Variants in DPYD observed in about 807,000 individuals in gnomAD.
DPYD encodes dihydropyrimidine dehydrogenase [NADP(+)].
Under a neutral mutation model 116.2 loss-of-function variants are expected in DPYD, and 109 were observed. The ratio of observed to expected loss-of-function variants is 0.94; its 90% CI spans 0.80 to 1.10. DPYD has a LOEUF of 1.10. DPYD is among the 50% of genes least tolerant of loss of function. The pLI is 0.00. For synonymous variants in DPYD, 440 were observed against 432.0 expected, an observed-to-expected ratio of 1.02 and a Z score of -0.23; for missense variants, 1,302 against 1,254.5, an observed-to-expected ratio of 1.04 and a Z score of -0.57.
intron 18 of DPYD, among the ~76,000 whole-genome samples, chr1:97,275,735 A>G (rs1392700224): frequency 1.3e-5 from 2 of 152,188 alleles, no homozygotes; most frequent in Admixed American, 1.3e-4. Flanking sequence ...TAAAACCTTG[A>G]AGATTAATTT....
intron 16 of DPYD, among the ~76,000 whole-genome samples, chr1:97,323,892 C>T (rs955136900): frequency 7.9e-5 from 12 of 151,844 alleles, no homozygotes; most frequent in Non-Finnish European, 1.3e-4. Context: ...ATCCCCATTT[C>T]GCAAGTCTTT....
intron 13 of DPYD, among the ~76,000 whole-genome samples, chr1:97,457,571 C>A (rs1269211547): frequency 6.6e-6 from 1 of 152,072 alleles, no homozygotes; most frequent in Non-Finnish European, 1.5e-5. Flanking sequence ...GTAAATGAAG[C>A]AATACAGCAC....
chr1:97,894,536 C>T (rs1453691615), intron 1 of DPYD, among the ~76,000 whole-genome samples: 1 of 151,456 alleles, frequency 6.6e-6, no homozygotes, highest in Non-Finnish European at 1.5e-5. Flanking sequence ...GAAGAAACTT[C>T]AGAATAACCA....
intron 1 of DPYD, among the ~76,000 whole-genome samples, chr1:97,914,025 A>G (rs1674097338): frequency 6.6e-6 from 1 of 152,116 alleles, no homozygotes; most frequent in Non-Finnish European, 1.5e-5. Flanking sequence ...GGGGACATTC[A>G]TAAGTGCTTA....
intron 14 of DPYD, among the ~76,000 whole-genome samples, chr1:97,425,141 A>G (rs1443986237): frequency 6.6e-6 from 1 of 152,094 alleles, no homozygotes; most frequent in Non-Finnish European, 1.5e-5. Flanking sequence ...GATGATAAAT[A>G]TGTGTGCTTC....
intron 20 of DPYD, among the ~76,000 whole-genome samples, chr1:97,129,085 T>A (rs906122254): frequency 7.7e-4 from 116 of 151,088 alleles, no homozygotes; most frequent in African/African-American, 2.7e-3. Flanking sequence ...TTTTTTTTTT[T>A]ATGGAGTCTT....
chr1:97,759,126 A>C (rs1665431152), intron 3 of DPYD, among the ~76,000 whole-genome samples: 1 of 152,080 alleles, frequency 6.6e-6, no homozygotes, highest in Admixed American at 6.6e-5. Context: ...TGTGGGACTA[A>C]ATTTTTTGGC....
chr1:97,369,992 C>T (rs1176113512), intron 16 of DPYD, among the ~76,000 whole-genome samples: 1 of 152,138 alleles, frequency 6.6e-6, no homozygotes, highest in African/African-American at 2.4e-5. Context: ...TTTTTAAAAA[C>T]AGCAACATAT....
At position 97,149,296 on chromosome 1, in the gene DPYD, C is replaced by T. The variant is rs556209293; in HGVS notation, c.2622+43773G>A. On this transcript the variant is annotated intron_variant, in intron 20 of 22. Coordinates refer to ENST00000370192, the MANE Select transcript of DPYD (RefSeq NM_000110.4). ...TAACAGAGTCTCGCTCTGTCACCCA[C>T]GCTGGAGTGCAGTGGCATGATCTTG... Among the ~76,000 whole-genome samples, 38 of 152,218 alleles carry T rather than the reference C, an allele frequency of 2.5e-4. No homozygotes were observed. The East Asian group carries it at 5.2e-3, about 21-fold the overall frequency.
At chr1:97,528,861 GT>G (rs1649350898) in intron 12 of DPYD, among the ~76,000 whole-genome samples, 1 of 152,044 alleles carries the variant, frequency 6.6e-6, no homozygotes, top group Non-Finnish European at 1.5e-5. Flanking sequence ...CCAGAGTAGG[GT>G]TTTTAAAACA....
chr1:97,375,172 T>C (rs1273400963), intron 15 of DPYD, among the ~76,000 whole-genome samples: 2 of 152,180 alleles, frequency 1.3e-5, no homozygotes, highest in East Asian at 1.9e-4. Flanking sequence ...AACTAGAAGC[T>C]TGAATTGGTT....
intron 4 of DPYD, among the ~76,000 whole-genome samples, chr1:97,731,608 T>G (rs1371571969): frequency 6.6e-6 from 1 of 152,010 alleles, no homozygotes; most frequent in Non-Finnish European, 1.5e-5. Flanking sequence ...AAAGGCACAC[T>G]GAACAAGAAA....
chr1:97,393,956 G>A (rs1570657510), intron 14 of DPYD, among the ~76,000 whole-genome samples: 1 of 152,224 alleles, frequency 6.6e-6, no homozygotes, highest in East Asian at 1.9e-4. Flanking sequence ...AGCACCTGTT[G>A]TTTCCTGACT....
At chr1:97,456,160 G>A (rs1676672672) in intron 13 of DPYD, among the ~76,000 whole-genome samples, 1 of 151,392 alleles carries the variant, frequency 6.6e-6, no homozygotes, top group Non-Finnish European at 1.5e-5. Context: ...GAACTCAGGT[G>A]TGCTTATGTG....
intron 14 of DPYD, among the ~76,000 whole-genome samples, chr1:97,425,933 A>T (rs945390370): frequency 1.3e-5 from 2 of 151,278 alleles, no homozygotes; most frequent in East Asian, 3.9e-4. Context: ...TAATCAAAGA[A>T]GAAAGTAAAG....
chr1:97,134,689 C>T (rs535936317), intron 20 of DPYD, among the ~76,000 whole-genome samples: 65 of 152,248 alleles, frequency 4.3e-4, no homozygotes, highest in African/African-American at 1.5e-3. Context: ...TTTGACACGA[C>T]TTTCTGAAGT....
At chr1:97,486,615 A>T (rs1678655325) in intron 13 of DPYD, among the ~76,000 whole-genome samples, 1 of 152,166 alleles carries the variant, frequency 6.6e-6, no homozygotes, top group African/African-American at 2.4e-5. Flanking sequence ...AACTTTAATG[A>T]TTCTGTAAAT....
rs1440051188 is a variant in DPYD, at chr1:97,389,885, T to C, written c.1906-7424A>G. 4.6e-5 allele frequency among the ~76,000 whole-genome samples: 7 copies of C among 150,594 alleles called. No homozygotes were observed. In the South Asian group the frequency reaches 1.3e-3, roughly 27 times the overall value. ...TTGGCAAAAAAAAAAAAAGTAGTGCTATATGGCTTCCATTGTCATCCTTTG... is the reference window on the plus strand; with the variant it reads ...TTGGCAAAAAAAAAAAAAGTAGTGCCATATGGCTTCCATTGTCATCCTTTG... On this transcript the variant is annotated intron_variant, in intron 14 of 22. Transcript: ENST00000370192.
chr1:97,556,325 CT>C (rs112978529), intron 11 of DPYD, among the ~76,000 whole-genome samples: 3,472 of 150,562 alleles, frequency 0.023, 120 homozygotes, highest in African/African-American at 0.078. Context: ...TTTCTATTCC[CT>C]TTTTTTTTAT....
Sources: gnomAD v4.1 joint callset for allele counts (sites outside exome capture counted in the v4.1 genomes callset) on GRCh38, gnomAD v4.1.1 for gene constraint, MANE v1.5 for transcripts, NCBI Gene and HGNC (gene_info 2026-07-23, HGNC 2026-07-21) for gene names.